TMEM219: variants seen among roughly 807,000 people sequenced by gnomAD.
TMEM219 encodes transmembrane protein 219, also known as insulin-like growth factor-binding protein 3 receptor.
A neutral mutation model predicts 17.9 loss-of-function variants in TMEM219; 18 were observed. The observed-to-expected ratio is 1.01, with a 90% confidence interval of 0.70 to 1.49. The LOEUF (loss-of-function observed/expected upper bound fraction) is 1.49, where lower values mean the gene tolerates loss of function less well. TMEM219 is among the 40% of genes most tolerant of loss of function. The pLI is 0.00. For missense variants in TMEM219, 288 were observed against 292.4 expected (o/e 0.99, Z 0.11); for synonymous variants, 113 against 124.0 (o/e 0.91, Z 0.59).
rs2069239324 is a variant in TMEM219, at chr16:29,968,218, C to T, written c.549C>T (p.Ser183=). The T allele has an allele frequency of 1.3e-5, 21 of 1,614,158 alleles. No homozygotes were observed. The East Asian group carries it at 4.5e-4, about 34-fold the overall frequency. ...RMGEECVSVW[S]HEGLVLTKLL... ...GTGAGGAATGTGTTAGTGTCTGGAGCCATGAAGGCCTTGTGCTGACCAAGC... is the reference window on the plus strand; with the variant it reads ...GTGAGGAATGTGTTAGTGTCTGGAGTCATGAAGGCCTTGTGCTGACCAAGC... The change falls in exon 4 of 6, where the codon AGC becomes AGT. Residue 183 remains serine, a synonymous_variant. Transcript: ENST00000279396.
intron 4 of TMEM219, among the ~76,000 whole-genome samples, chr16:29,971,109 GGTGGCGGGCACCT>G (rs1403297470): frequency 6.6e-6 from 1 of 151,910 alleles, no homozygotes; most frequent in African/African-American, 2.4e-5. Context: ...AGCCAGGCGT[GGTGGCGGGCACCT>G]GTAGTCCCAG....
rs1407095638 is a variant in TMEM219 at position 29,963,167 on chromosome 16, C to A, written c.24C>A (p.His8Gln). Residue 8 changes from histidine to glutamine, a missense_variant, in exon 2 of 6, where the codon CAC becomes CAA. His to Gln is a conservative substitution (Grantham distance 24). Coordinates refer to ENST00000279396, the MANE Select transcript of TMEM219 (RefSeq NM_001083613.2). ...CCATGGGCAACTGCCAGGCAGGGCA[C>A]AACCTGCACCTGTGTCTGGCCCACC... The part of the protein sequence containing the change: MGNCQAG[H>Q]NLHLCLAHHP... 4 of 1,613,062 alleles carry A rather than the reference C, an allele frequency of 2.5e-6. No individual in the cohort carries two copies. In the Middle Eastern group the frequency reaches 5.0e-4, roughly 200 times the overall value.
chr16:29,963,137 G>A lies in TMEM219; in HGVS notation c.-7G>A. The A allele has an allele frequency of 6.2e-7, 1 of 1,610,448 alleles. No homozygotes were observed. The highest frequency in any genetic ancestry group is 8.5e-7 in the Non-Finnish European group (1 of 1,179,926). Reference sequence around the variant, plus strand: ...TCTCCCCGGAGGCTCAGCCCCCTCTGCTCCCCATGGGCAACTGCCAGGCAG... The same window carrying A: ...TCTCCCCGGAGGCTCAGCCCCCTCTACTCCCCATGGGCAACTGCCAGGCAG... On this transcript the variant is annotated 5_prime_UTR_variant, in exon 2 of 6. Coordinates refer to ENST00000279396, the MANE Select transcript of TMEM219 (RefSeq NM_001083613.2).
intron 4 of TMEM219, among the ~76,000 whole-genome samples, chr16:29,970,149 T>C (rs2069264619): frequency 6.6e-6 from 1 of 150,898 alleles, no homozygotes; most frequent in African/African-American, 2.4e-5. Flanking sequence ...CAGGAGAATC[T>C]CTGGAACCTG....
chr16:29,968,428 C>T (rs2069242742), intron 4 of TMEM219, 174 bp downstream of exon 4: 2 of 576,996 alleles, frequency 3.5e-6, no homozygotes, highest in African/African-American at 1.9e-5. Flanking sequence ...TCAGCATCCT[C>T]ATCTGTAAAA....
chr16:29,962,121 C>G lies in TMEM219; in HGVS notation c.-49C>G, dbSNP rs1209637653. On this transcript the variant is annotated 5_prime_UTR_variant, in exon 1 of 6. Transcript: ENST00000279396. ...GTCGCGGGGGGCGCCGGCCTCCGCC[C>G]GGCCCCGAGGGGTAAGAGCGAGCGG... 6.6e-6 allele frequency: 1 copy of G among 151,668 alleles called. No homozygotes were observed. The highest frequency in any genetic ancestry group is 1.5e-5 in the Non-Finnish European group (1 of 67,880). 9.4% of individuals were successfully genotyped at this position (151,668 alleles called of 1,614,324 possible).
At chr16:29,972,713 CA>C (rs1393765690) in intron 5 of TMEM219, among the ~76,000 whole-genome samples, 1 of 152,174 alleles carries the variant, frequency 6.6e-6, no homozygotes. Context: ...CTAAATGCCC[CA>C]ACCACCTACT....
intron 3 of TMEM219, among the ~76,000 whole-genome samples, chr16:29,964,755 C>T (rs76712312): frequency 0.039 from 5,866 of 152,096 alleles, 165 homozygotes; most frequent in South Asian, 0.088. Context: ...AGGGCTGGGC[C>T]CTGCCTCTGA....
Position 29,971,576 on chromosome 16 carries a change from C to T in TMEM219, c.*31C>T, listed in dbSNP as rs772572967. On this transcript the variant is annotated splice_region_variant and 3_prime_UTR_variant, in exon 5 of 6. Coordinates refer to ENST00000279396, the MANE Select transcript of TMEM219 (RefSeq NM_001083613.2). ...CTGGCCTAGTTCCCGACTTGTTTCT[C>T]AGGTGAGGTTCTTTGCTCCAGTCCT... 15 of 1,567,192 alleles carry T rather than the reference C, an allele frequency of 9.6e-6. No homozygotes were observed. Among genetic ancestry groups the T allele is most frequent in the Non-Finnish European group, 1.2e-5 (14 of 1,152,634 alleles).
chr16:29,963,023 G>A, intron 1 of TMEM219, 84 bp from the exon 2 acceptor site: 1 of 1,201,736 alleles, frequency 8.3e-7, no homozygotes, highest in South Asian at 1.4e-5. Flanking sequence ...TGTGGCCTTG[G>A]GAAGTCCTTT....
At chr16:29,968,933 C>T (rs1230525309) in intron 4 of TMEM219, among the ~76,000 whole-genome samples, 1 of 152,182 alleles carries the variant, frequency 6.6e-6, no homozygotes, top group African/African-American at 2.4e-5. Context: ...TTGCAACCCA[C>T]ACCTTCTGTC....
intron 3 of TMEM219, among the ~76,000 whole-genome samples, chr16:29,967,143 AT>A (rs1403433382): frequency 3.9e-5 from 6 of 152,216 alleles, no homozygotes; most frequent in Non-Finnish European, 5.9e-5. Flanking sequence ...CCTTGCGAGT[AT>A]TAGTATGGTT....
rs779058601 is a variant in TMEM219 at position 29,971,506 on chromosome 16, C to T, written c.684C>T (p.His228=). Residue 228 remains histidine (H), a synonymous_variant, in exon 5 of 6, where the codon CAC becomes CAT. Coordinates refer to ENST00000279396, the MANE Select transcript of TMEM219 (RefSeq NM_001083613.2). The part of the protein sequence containing the change: ...LLCCVTAMCF[H]PRRESHWSRT... ...GCTGTGTCACTGCTATGTGCTTCCA[C>T]CCGCGCCGGGAGTCCCACTGGTCTA... 1.1e-5 allele frequency: 18 copies of T among 1,613,944 alleles called. No individual in the cohort carries two copies. Among genetic ancestry groups the T allele is most frequent in the Non-Finnish European group, 1.4e-5 (16 of 1,180,022 alleles).
intron 3 of TMEM219, among the ~76,000 whole-genome samples, chr16:29,964,090 C>A (rs905516808): frequency 2.0e-5 from 3 of 151,570 alleles, no homozygotes; most frequent in African/African-American, 7.3e-5. Context: ...TTTGGGAGGC[C>A]GAGGCGGGCA....
intron 3 of TMEM219, among the ~76,000 whole-genome samples, chr16:29,964,960 T>C (rs1221669708): frequency 6.6e-6 from 1 of 152,226 alleles, no homozygotes; most frequent in Admixed American, 6.5e-5. Flanking sequence ...TCTCATCCTT[T>C]AGCCACCTCC....
At chr16:29,971,386 C>G in intron 4 of TMEM219, 22 bp from the exon 5 acceptor site, 1 of 1,613,922 alleles carries the variant, frequency 6.2e-7, no homozygotes, top group Non-Finnish European at 8.5e-7. Context: ...CCTCCTCCTC[C>G]TCTCCCTGTA....
intron 5 of TMEM219, 173 bp downstream of exon 5, chr16:29,971,751 A>G (rs1478452565): frequency 1.0e-5 from 5 of 501,276 alleles, no homozygotes; most frequent in East Asian, 9.9e-5. Context: ...TGACACCGTC[A>G]GCATTCAATA....
At chr16:29,966,237 C>T (rs1013167416) in intron 3 of TMEM219, among the ~76,000 whole-genome samples, 3 of 152,134 alleles carry the variant, frequency 2.0e-5, no homozygotes, top group Admixed American at 2.0e-4. Flanking sequence ...GGTTTATTGT[C>T]TGTATTCATG....
chr16:29,963,880 C>T (rs1455863380), intron 3 of TMEM219, among the ~76,000 whole-genome samples: 1 of 56,126 alleles, frequency 1.8e-5, no homozygotes, highest in East Asian at 5.7e-4. Context: ...AAGACTCTGT[C>T]TCAAAAAAAA....
Sources: allele counts gnomAD v4.1 joint callset (sites outside exome capture counted in the v4.1 genomes callset), GRCh38; gene constraint gnomAD v4.1.1; transcripts MANE v1.5; gene names NCBI Gene and HGNC (gene_info 2026-07-23, HGNC 2026-07-21).